SLC10A7: variants seen among roughly 807,000 people sequenced by gnomAD.
The protein encoded by SLC10A7 is sodium/bile acid cotransporter 7.
In SLC10A7, 29 loss-of-function variants were observed where a neutral mutation model predicts 43.2. That is an observed-to-expected ratio of 0.67 (90% CI 0.50 to 0.92). The LOEUF is 0.92. Among genes scored for constraint, SLC10A7 ranks in the 40% least tolerant of loss-of-function variants. SLC10A7 has a pLI of 0.00. For synonymous variants in SLC10A7, 152 were observed against 144.8 expected (o/e 1.05, Z -0.35); for missense variants, 295 against 403.2 (o/e 0.73, Z 2.30).
chr4:146,495,214 C>T (rs1735780285), intron 4 of SLC10A7, among the ~76,000 whole-genome samples: 1 of 152,170 alleles, frequency 6.6e-6, no homozygotes, highest in African/African-American at 2.4e-5. Context: ...CATAAGATTC[C>T]TCCAGGATGC....
chr4:146,350,222 A>G (rs1056503915), intron 5 of SLC10A7, among the ~76,000 whole-genome samples: 3 of 150,922 alleles, frequency 2.0e-5, no homozygotes, highest in African/African-American at 7.3e-5. Flanking sequence ...TCACCTGGGA[A>G]GCGCAAGGGG....
intron 9 of SLC10A7, among the ~76,000 whole-genome samples, chr4:146,288,486 G>C (rs184460983): frequency 6.6e-6 from 1 of 152,202 alleles, no homozygotes; most frequent in African/African-American, 2.4e-5. Flanking sequence ...TAAGTTGGTT[G>C]CCCCAAACCT....
intron 5 of SLC10A7, among the ~76,000 whole-genome samples, chr4:146,326,917 GACACACACACACACACACAC>G (rs71640636): frequency 1.2e-4 from 17 of 147,420 alleles, no homozygotes; most frequent in Admixed American, 2.7e-4. Flanking sequence ...GAGAGGGACA[GACACACACACACACACACAC>G]ACACACACAC....
intron 5 of SLC10A7, among the ~76,000 whole-genome samples, chr4:146,355,890 G>T (rs1439423862): frequency 8.8e-6 from 1 of 113,072 alleles, no homozygotes; most frequent in African/African-American, 3.4e-5. Flanking sequence ...GGACTGTGGT[G>T]GGGTGGGGGG....
At chr4:146,299,962 G>A (rs1731052129) in intron 7 of SLC10A7, among the ~76,000 whole-genome samples, 4 of 152,198 alleles carry the variant, frequency 2.6e-5, no homozygotes, top group Admixed American at 2.6e-4. Flanking sequence ...CATGGAATCT[G>A]AGCAGCTCCA....
At chr4:146,393,959 A>C (rs1738630400) in intron 5 of SLC10A7, among the ~76,000 whole-genome samples, 1 of 152,230 alleles carries the variant, frequency 6.6e-6, no homozygotes, top group African/African-American at 2.4e-5. Flanking sequence ...AAACACATTT[A>C]AAATCTCATT....
At chr4:146,497,846 A>G (rs1002784448) in intron 4 of SLC10A7, among the ~76,000 whole-genome samples, 1 of 152,106 alleles carries the variant, frequency 6.6e-6, no homozygotes, top group Non-Finnish European at 1.5e-5. Context: ...AGGCAGAAGT[A>G]ACTTGAATTC....
At chr4:146,504,953 T>C (rs6849958) in intron 3 of SLC10A7, among the ~76,000 whole-genome samples, 119,429 of 152,176 alleles carry the variant, frequency 0.78, 47,220 homozygotes, top group East Asian at 0.95. Flanking sequence ...CAAATGAAAC[T>C]ATGAGTAATA....
At chr4:146,461,507 C>T (rs983997285) in intron 4 of SLC10A7, among the ~76,000 whole-genome samples, 2 of 151,952 alleles carry the variant, frequency 1.3e-5, no homozygotes, top group Non-Finnish European at 2.9e-5. Flanking sequence ...TACAAGGAAA[C>T]AAGAGACATC....
chr4:146,408,648 C>A (rs1386078731), intron 5 of SLC10A7: 1 of 152,014 alleles, frequency 6.6e-6, no homozygotes, highest in Non-Finnish European at 1.5e-5. Context: ...GGGAAGTAGA[C>A]AATTGTTGAT....
intron 7 of SLC10A7, among the ~76,000 whole-genome samples, chr4:146,305,097 G>A (rs6823006): frequency 0.71 from 106,104 of 149,498 alleles, 37,964 homozygotes; most frequent in African/African-American, 0.78. Context: ...AGGACTATAA[G>A]TCATGCTGCT....
chr4:146,418,626 A>G (rs1204864592), intron 5 of SLC10A7, among the ~76,000 whole-genome samples: 2 of 152,232 alleles, frequency 1.3e-5, no homozygotes, highest in Non-Finnish European at 2.9e-5. Context: ...GTGAAAAACC[A>G]AAGCAAAGTG....
intron 7 of SLC10A7, among the ~76,000 whole-genome samples, chr4:146,297,753 TA>T (rs1250159977): frequency 6.6e-6 from 1 of 152,210 alleles, no homozygotes; most frequent in Non-Finnish European, 1.5e-5. Context: ...CCAATTTCTG[TA>T]ACACTTTATT....
intron 5 of SLC10A7, among the ~76,000 whole-genome samples, chr4:146,373,536 C>T (rs1736946884): frequency 6.6e-6 from 1 of 150,806 alleles, no homozygotes; most frequent in South Asian, 2.1e-4. Context: ...CAAGGGCTGG[C>T]AATGTATGCA....
At chr4:146,291,188 T>A (rs912500658) in intron 9 of SLC10A7, among the ~76,000 whole-genome samples, 2 of 152,186 alleles carry the variant, frequency 1.3e-5, no homozygotes, top group Non-Finnish European at 2.9e-5. Flanking sequence ...GCAAACAAAC[T>A]GCCATTGAAA....
At chr4:146,441,078 T>C (rs1416882752) in intron 5 of SLC10A7, among the ~76,000 whole-genome samples, 1 of 152,220 alleles carries the variant, frequency 6.6e-6, no homozygotes, top group Non-Finnish European at 1.5e-5. Context: ...ACCTTGTATT[T>C]CTCTGCATTC....
intron 7 of SLC10A7, among the ~76,000 whole-genome samples, chr4:146,298,818 G>A (rs1298046272): frequency 3.3e-5 from 5 of 152,248 alleles, no homozygotes; most frequent in Middle Eastern, 3.4e-3. Context: ...TCACAGAGTC[G>A]TAACACCTTC....
chr4:146,433,496 G>A (rs1729952917), intron 5 of SLC10A7, among the ~76,000 whole-genome samples: 1 of 151,946 alleles, frequency 6.6e-6, no homozygotes, highest in Admixed American at 6.6e-5. Context: ...GTTTGCTAAA[G>A]CTTTTTTAGA....
chr4:146,512,459 C>T (rs1431600333), intron 2 of SLC10A7, among the ~76,000 whole-genome samples: 1 of 152,148 alleles, frequency 6.6e-6, no homozygotes, highest in Non-Finnish European at 1.5e-5. Context: ...ACAGTGTTAT[C>T]TATTCGAGCA....
Sources: gnomAD v4.1 joint callset for allele counts (sites outside exome capture counted in the v4.1 genomes callset) on GRCh38, gnomAD v4.1.1 for gene constraint, MANE v1.5 for transcripts, NCBI Gene and HGNC (gene_info 2026-07-23, HGNC 2026-07-21) for gene names.